EML5: variants seen among roughly 807,000 people sequenced by gnomAD.
EML5 encodes the protein EMAP like 5, also known as echinoderm microtubule-associated protein-like 5.
In EML5, 120 loss-of-function variants were observed where a neutral mutation model predicts 250.0. The ratio of observed to expected loss-of-function variants is 0.48; its 90% CI spans 0.41 to 0.56. The LOEUF is 0.56. EML5 is among the 20% of genes least tolerant of loss of function. EML5 has a pLI of 0.00. For missense variants in EML5, 2,006 were observed against 2,437.6 expected (o/e 0.82, Z 3.73); for synonymous variants, 771 against 806.5 (o/e 0.96, Z 0.75).
At chr14:88,721,758 T>C (rs886931554) in intron 8 of EML5, among the ~76,000 whole-genome samples, 1 of 152,080 alleles carries the variant, frequency 6.6e-6, no homozygotes, top group Non-Finnish European at 1.5e-5. Context: ...AAAACAAAAA[T>C]TGACAAATGT....
At chr14:88,729,881 T>C (rs1010139946) in intron 7 of EML5, among the ~76,000 whole-genome samples, 1 of 151,210 alleles carries the variant, frequency 6.6e-6, no homozygotes, top group Admixed American at 6.6e-5. Context: ...TTTTTTTTTT[T>C]TGTTTTTTTA....
At chr14:88,662,101 C>A (rs751950476) in intron 24 of EML5, among the ~76,000 whole-genome samples, 3 of 151,952 alleles carry the variant, frequency 2.0e-5, no homozygotes, top group Non-Finnish European at 4.4e-5. Flanking sequence ...AATAATAAAA[C>A]CGTTTCTGAC....
In EML5 at chr14:88,704,871, G is replaced by T; in HGVS notation, c.2040C>A (p.His680Gln). Residue 680 changes from histidine (H) to glutamine (Q), a missense_variant, in exon 13 of 44, where the codon CAC becomes CAA. His to Gln is a conservative substitution (Grantham distance 24, BLOSUM62 0). Coordinates refer to ENST00000554922, the MANE Select transcript of EML5 (RefSeq NM_183387.3). ...ERAPGNSIRL[H>Q]FVHGYRGYDC... is the part of the protein sequence containing the mutation. ...TAGTTGTTTTATACCCGTGAACAAA[G>T]TGTAATCGAATACTATTTCCTGGAG... is the stretch of plus-strand genomic sequence containing the variant. The T allele has an allele frequency of 6.2e-7, 1 of 1,612,202 alleles. No individual in the cohort carries two copies.
At chr14:88,750,409 ACTATAACCATAGTT>A (rs2140338751) in intron 2 of EML5, among the ~76,000 whole-genome samples, 1 of 152,244 alleles carries the variant, frequency 6.6e-6, no homozygotes, top group Admixed American at 6.5e-5. Flanking sequence ...CTATTAGTTT[ACTATAACCATAGTT>A]AAATGGGGAC....
intron 1 of EML5, among the ~76,000 whole-genome samples, chr14:88,786,197 A>C (rs976532522): frequency 6.6e-6 from 1 of 152,256 alleles, no homozygotes; most frequent in South Asian, 2.1e-4. Context: ...CTTCCTGGCC[A>C]CCCTATCTAA....
intron 33 of EML5, among the ~76,000 whole-genome samples, chr14:88,633,727 T>G (rs890082200): frequency 6.6e-6 from 1 of 152,176 alleles, no homozygotes; most frequent in Non-Finnish European, 1.5e-5. Context: ...TTCATAAGCA[T>G]GGTCGTGTCA....
intron 7 of EML5, among the ~76,000 whole-genome samples, chr14:88,732,587 C>T (rs984274227): frequency 3.3e-5 from 5 of 152,172 alleles, no homozygotes; most frequent in Admixed American, 3.3e-4. Context: ...GTTTTTTCCA[C>T]TTCTGTGAAG....
In EML5 at chr14:88,642,989, C is replaced by G; in HGVS notation, c.4141G>C (p.Gly1381Arg). Residue 1381 changes from glycine to arginine, a missense_variant, in exon 31 of 44, where the codon GGC becomes CGC. Transcript: ENST00000554922. ...TGAACATTATTCCTACAGTCTCTGC[C>G]TCGATAACCAAAAATGAGCTCCAAC... ...LVLELIFGYR[G>R]RDCRNNVHYL... 1 of 1,596,240 alleles carries G rather than the reference C, an allele frequency of 6.3e-7. No homozygotes were observed. The highest frequency in any genetic ancestry group is 1.2e-5 in the South Asian group (1 of 86,670).
chr14:88,672,323 G>A (rs1415497050), intron 21 of EML5, among the ~76,000 whole-genome samples: 1 of 152,130 alleles, frequency 6.6e-6, no homozygotes, highest in Non-Finnish European at 1.5e-5. Context: ...AATTAAGGCA[G>A]AGATCAAGAA....
intron 1 of EML5, among the ~76,000 whole-genome samples, chr14:88,773,331 A>G (rs1442878539): frequency 6.6e-6 from 1 of 152,254 alleles, no homozygotes; most frequent in Non-Finnish European, 1.5e-5. Context: ...CACTGAACAG[A>G]TCCACCAATA....
intron 8 of EML5, 22 bp downstream of exon 8, chr14:88,726,519 T>C: frequency 6.4e-7 from 1 of 1,572,298 alleles, no homozygotes; most frequent in Non-Finnish European, 8.6e-7. Context: ...AATTATTATG[T>C]GTTTCTACCC....
At chr14:88,621,388 C>T (rs1414972693) in intron 37 of EML5, 87 bp from the exon 38 acceptor site, 1 of 1,528,942 alleles carries the variant, frequency 6.5e-7, no homozygotes, top group Non-Finnish European at 9.0e-7. Context: ...TATTGACCTG[C>T]TTTCAGAGAA....
intron 11 of EML5, chr14:88,706,008 C>G (rs1002720349): frequency 1.1e-5 from 6 of 532,160 alleles, no homozygotes; most frequent in Non-Finnish European, 1.7e-5. Context: ...GTTTGTTTTG[C>G]TATTAATATA....
chr14:88,682,071 G>A (rs1277251711), intron 20 of EML5, 40 bp from the exon 21 acceptor site: 3 of 1,501,486 alleles, frequency 2.0e-6, no homozygotes, highest in South Asian at 1.5e-5. Context: ...GTATGTGTGT[G>A]TATATTTATA....
At chr14:88,780,521 C>A (rs1456433174) in intron 1 of EML5, among the ~76,000 whole-genome samples, 1 of 151,790 alleles carries the variant, frequency 6.6e-6, no homozygotes, top group Non-Finnish European at 1.5e-5. Context: ...CTGTGAGGAT[C>A]GACAGGTCTA....
At chr14:88,768,170 C>T (rs1248367648) in intron 1 of EML5, among the ~76,000 whole-genome samples, 1 of 152,128 alleles carries the variant, frequency 6.6e-6, no homozygotes, top group Non-Finnish European at 1.5e-5. Flanking sequence ...CTTTCCACAT[C>T]GTATCAGAAG....
chr14:88,728,364 C>T (rs969080474), intron 7 of EML5, among the ~76,000 whole-genome samples: 3 of 152,088 alleles, frequency 2.0e-5, no homozygotes, highest in Admixed American at 6.5e-5. Context: ...CAAAAAGCCA[C>T]GTCTAATGTT....
chr14:88,705,420 G>T, intron 12 of EML5, 62 bp downstream of exon 12: 1 of 1,185,862 alleles, frequency 8.4e-7, no homozygotes. Context: ...ATGACTAACG[G>T]GGAGCAAGAT....
At chr14:88,759,195 C>G (rs1391319858) in intron 1 of EML5, among the ~76,000 whole-genome samples, 1 of 152,118 alleles carries the variant, frequency 6.6e-6, no homozygotes, top group Non-Finnish European at 1.5e-5. Flanking sequence ...ACTGACATTA[C>G]TGTCTGTACA....
Sources: gnomAD v4.1 joint callset for allele counts (sites outside exome capture counted in the v4.1 genomes callset) on GRCh38, gnomAD v4.1.1 for gene constraint, MANE v1.5 for transcripts, NCBI Gene and HGNC (gene_info 2026-07-23, HGNC 2026-07-21) for gene names.